Variants in COL16A1 observed in about 807,000 individuals in gnomAD.
COL16A1 encodes collagen alpha-1(XVI) chain.
A neutral mutation model predicts 266.3 loss-of-function variants in COL16A1; 189 were observed. The ratio of observed to expected loss-of-function variants is 0.71; its 90% CI spans 0.63 to 0.80. COL16A1 has a LOEUF of 0.80. Ranked by LOEUF, COL16A1 falls within the 30% of genes least tolerant of loss-of-function variation. The probability of loss-of-function intolerance (pLI) is 0.00; values close to 1 mark genes in which losing one functional copy is unlikely to be tolerated. For synonymous variants in COL16A1, 740 were observed against 782.3 expected, an observed-to-expected ratio of 0.95 and a Z score of 0.90; for missense variants, 1,928 against 2,122.4, an observed-to-expected ratio of 0.91 and a Z score of 1.80.
rs549743479 is a variant in COL16A1 at position 31,693,033 on chromosome 1, A to C, written c.1071+59T>G. 16 of 1,184,516 alleles carry C rather than the reference A, an allele frequency of 1.4e-5. 1 individual carries two copies. In the East Asian group the frequency reaches 3.9e-4, roughly 29 times the overall value. 73.4% of individuals were successfully genotyped at this position (1,184,516 alleles called of 1,614,324 possible). On this transcript the variant is annotated intron_variant, in intron 13 of 70. Transcript: ENST00000373672. ...ATGATGGGATGATGGCTCACATCCC[A>C]CCTCACCCCAGGGCACAGCTGGCAA...
chr1:31,694,404 T>G (rs1370838368), intron 11 of COL16A1, among the ~76,000 whole-genome samples: 2 of 152,222 alleles, frequency 1.3e-5, no homozygotes, highest in Non-Finnish European at 2.9e-5. Context: ...TTTGGTTAGC[T>G]CCGCCTCCCA....
At chr1:31,660,719 G>C in intron 61 of COL16A1, 81 bp from the exon 62 acceptor site, 7 of 1,588,040 alleles carry the variant, frequency 4.4e-6, no homozygotes, top group Non-Finnish European at 6.0e-6. Context: ...GAGGGGGCTG[G>C]GCAGAATACA....
At chr1:31,680,160 G>A in intron 39 of COL16A1, 59 bp from the exon 40 acceptor site, 1 of 1,580,924 alleles carries the variant, frequency 6.3e-7, no homozygotes, top group Non-Finnish European at 8.6e-7. Context: ...TCTTGAAATG[G>A]ACATCCGAGA....
At chr1:31,680,126 G>C (rs1482907789) in intron 39 of COL16A1, 25 bp from the exon 40 acceptor site, 1 of 1,609,950 alleles carries the variant, frequency 6.2e-7, no homozygotes, top group Non-Finnish European at 8.5e-7. Context: ...GCCTTTGTGA[G>C]ACATGGATGA....
chr1:31,654,570 C>T (rs895793037), intron 68 of COL16A1, among the ~76,000 whole-genome samples: 5 of 152,086 alleles, frequency 3.3e-5, no homozygotes, highest in Non-Finnish European at 7.4e-5. Context: ...AGTGGGGGCT[C>T]GGGGAATGCA....
chr1:31,659,115 C>T (rs1016993663), intron 62 of COL16A1, 151 bp from the exon 63 acceptor site: 30 of 747,240 alleles, frequency 4.0e-5, no homozygotes, highest in Admixed American at 9.6e-5. Context: ...ACTTGAGCTT[C>T]GGACAAGATT....
intron 54 of COL16A1, 76 bp from the exon 55 acceptor site, chr1:31,665,694 C>T (rs764586881): frequency 4.0e-5 from 63 of 1,590,830 alleles, no homozygotes; most frequent in African/African-American, 9.4e-5. Flanking sequence ...GAAAGAGTGA[C>T]GGGGGGGGCA....
intron 22 of COL16A1, 146 bp downstream of exon 22, chr1:31,690,221 G>T: frequency 7.8e-7 from 1 of 1,285,722 alleles, no homozygotes; most frequent in Non-Finnish European, 1.1e-6. Context: ...TGTACTCACT[G>T]CACATGGACA....
chr1:31,666,387 C>T (rs2148686359), intron 52 of COL16A1: 1 of 388,660 alleles, frequency 2.6e-6, no homozygotes, highest in Non-Finnish European at 4.6e-6. Flanking sequence ...GCGGCTCCCT[C>T]TGCCTCTGAG....
chr1:31,680,199 C>T (rs982254730), intron 39 of COL16A1, 98 bp from the exon 40 acceptor site: 4 of 1,513,584 alleles, frequency 2.6e-6, no homozygotes, highest in Non-Finnish European at 3.6e-6. Flanking sequence ...ATGGAGAGGC[C>T]AGGGTTTCAA....
intron 47 of COL16A1, 132 bp downstream of exon 47, chr1:31,672,284 G>A (rs187271009): frequency 6.3e-5 from 62 of 978,136 alleles, no homozygotes; most frequent in South Asian, 6.0e-4. Context: ...GAGAAGCCAC[G>A]TGCCAGGAGA....
chr1:31,691,471 C>A lies in COL16A1; in HGVS notation c.1344G>T (p.Glu448Asp). ...GFVGPEGLAG[E>D]PGPPGLPGPP... ...GTCCAGGGAGGCCGGGGGGCCCAGG[C>A]TCTCCTGCCAGCCCCTCAGGCCCAA... The change falls in exon 19 of 71, where the codon GAG (glutamate) becomes GAT (aspartate). Residue 448 changes from glutamate (E) to aspartate (D), a missense_variant. Physicochemically the swap from Glu to Asp is conservative, Grantham distance 45. This residue lies in a region of COL16A1 where 1,552 missense variants were observed against 1,637.2 expected (regional missense o/e 0.95). Coordinates refer to ENST00000373672, the MANE Select transcript of COL16A1 (RefSeq NM_001856.4). The A allele has an allele frequency of 6.2e-7, 1 of 1,613,414 alleles. No homozygotes were observed. The highest frequency in any genetic ancestry group is 8.5e-7 in the Non-Finnish European group (1 of 1,179,616).
At chr1:31,671,545 G>C in intron 48 of COL16A1, 70 bp downstream of exon 48, 1 of 1,597,660 alleles carries the variant, frequency 6.3e-7, no homozygotes, top group Non-Finnish European at 8.6e-7. Context: ...ACAAGGCCGC[G>C]GGATGGTGTC....
rs1306750434 is a variant in COL16A1, at chr1:31,699,812, C to T, written c.266+1G>A. ...CTCAGTGGTCACATGGATGCATTTA[C>T]CGCGTGGGCTGGGTCACGGGGGCCG... On this transcript the variant is annotated splice_donor_variant, in intron 4 of 70. Transcript: ENST00000373672. LOFTEE classifies it high-confidence loss of function. 3.8e-6 allele frequency: 6 copies of T among 1,581,858 alleles called. No homozygotes were observed. Among genetic ancestry groups the T allele is most frequent in the Non-Finnish European group, 5.2e-6 (6 of 1,152,138 alleles).
chr1:31,655,306 C>T lies in COL16A1; in HGVS notation c.4290+8G>A. 6.2e-7 allele frequency: 1 copy of T among 1,611,180 alleles called. No individual in the cohort carries two copies. Among genetic ancestry groups the T allele is most frequent in the Non-Finnish European group, 8.5e-7 (1 of 1,178,578 alleles). On this transcript the variant is annotated splice_region_variant and intron_variant, in intron 67 of 70. Transcript: ENST00000373672. ...ACAGTGCCCACAGCTGCCAGCCTTC[C>T]CCCTTACCATGGAGCCAGGCACACC...
At position 31,656,222 on chromosome 1, in the gene COL16A1, C is replaced by A; in HGVS notation, c.4101+178G>T. On this transcript the variant is annotated intron_variant, in intron 66 of 70. Transcript: ENST00000373672. The surrounding 1 kb of genome is among the most constrained non-coding windows in gnomAD (Gnocchi z 4.2). ...AACTGGAGATTTCCTTCCCCCCAAC[C>A]ACAGCTAATGACCCCATGTGAGAAA... The A allele has an allele frequency of 1.1e-6, 1 of 951,748 alleles. No homozygotes were observed. 59.0% of individuals were successfully genotyped at this position (951,748 alleles called of 1,614,324 possible). A position where few individuals can be genotyped will look rare whatever the true frequency, so the allele number is the denominator to read the frequency against.
At chr1:31,680,159 GGACATCC>G in intron 39 of COL16A1, 58 bp from the exon 40 acceptor site, 3 of 1,582,026 alleles carry the variant, frequency 1.9e-6, no homozygotes, top group Non-Finnish European at 2.6e-6. Context: ...CTCTTGAAAT[GGACATCC>G]GAGAGGCACG....
chr1:31,653,355 A>G (rs1640795323), intron 70 of COL16A1: 2 of 452,596 alleles, frequency 4.4e-6, no homozygotes, highest in East Asian at 7.5e-5. Context: ...CCCCACCTCC[A>G]TGCAGCTCTC....
chr1:31,693,366 A>G, intron 12 of COL16A1: 1 of 582,926 alleles, frequency 1.7e-6, no homozygotes, highest in Non-Finnish European at 3.1e-6. Flanking sequence ...CTCCCACCCC[A>G]AGATGCTATA....
Sources: gnomAD v4.1 joint callset for allele counts (sites outside exome capture counted in the v4.1 genomes callset) on GRCh38, gnomAD v4.1.1 for gene constraint, gnomAD v4.1.1 regional missense constraint, Gnocchi (gnomAD v3.1) non-coding constraint, MANE v1.5 for transcripts, NCBI Gene and HGNC (gene_info 2026-07-23, HGNC 2026-07-21) for gene names.